MYO3B: variants seen among roughly 807,000 people sequenced by gnomAD.
MYO3B encodes myosin-IIIb.
In MYO3B, 156 loss-of-function variants were observed where a neutral mutation model predicts 174.6. That is an observed-to-expected ratio of 0.89 (90% CI 0.78 to 1.02). The LOEUF is 1.02. Among genes scored for constraint, MYO3B ranks in the 50% least tolerant of loss-of-function variants. The probability of loss-of-function intolerance (pLI) is 0.00; values close to 1 mark genes in which losing one functional copy is unlikely to be tolerated. For synonymous variants in MYO3B, 563 were observed against 569.1 expected, an observed-to-expected ratio of 0.99 and a Z score of 0.15; for missense variants, 1,632 against 1,639.4, an observed-to-expected ratio of 1.00 and a Z score of 0.08.
intron 17 of MYO3B, among the ~76,000 whole-genome samples, chr2:170,401,202 G>A (rs899304584): frequency 1.3e-5 from 2 of 152,138 alleles, no homozygotes; most frequent in East Asian, 1.9e-4. Context: ...ACTAAGGGTA[G>A]AATACAGTCT....
At chr2:170,182,177 T>G (rs2092408689) in intron 1 of MYO3B, among the ~76,000 whole-genome samples, 1 of 152,184 alleles carries the variant, frequency 6.6e-6, no homozygotes, top group African/African-American at 2.4e-5. Flanking sequence ...AATTTTTTTC[T>G]TAGGGCTTGT....
At chr2:170,562,551 C>T (rs1691781650) in intron 32 of MYO3B, among the ~76,000 whole-genome samples, 1 of 152,116 alleles carries the variant, frequency 6.6e-6, no homozygotes, top group Non-Finnish European at 1.5e-5. Flanking sequence ...TACTTGGTTC[C>T]AGGCAGTCAA....
At chr2:170,253,281 A>G (rs1182092217) in intron 7 of MYO3B, among the ~76,000 whole-genome samples, 3 of 152,118 alleles carry the variant, frequency 2.0e-5, no homozygotes, top group Admixed American at 1.3e-4. Context: ...TTGCTTATGG[A>G]TTTGATGTAG....
At chr2:170,534,848 A>G (rs1212833178) in intron 30 of MYO3B, among the ~76,000 whole-genome samples, 1 of 152,158 alleles carries the variant, frequency 6.6e-6, no homozygotes. Flanking sequence ...ATATATTGCT[A>G]AATCTACCAA....
At chr2:170,590,457 A>G (rs1165870313) in intron 32 of MYO3B, among the ~76,000 whole-genome samples, 2 of 152,112 alleles carry the variant, frequency 1.3e-5, no homozygotes, top group African/African-American at 4.8e-5. Flanking sequence ...CCCCTACATT[A>G]ACATATTTTT....
At chr2:170,402,183 C>T (rs962178056) in intron 18 of MYO3B, among the ~76,000 whole-genome samples, 6 of 152,128 alleles carry the variant, frequency 3.9e-5, no homozygotes, top group Admixed American at 6.5e-5. Context: ...CAGACCTTGG[C>T]GATGACCTTG....
chr2:170,399,473 CAAA>C (rs11296778), intron 16 of MYO3B, among the ~76,000 whole-genome samples: 55,171 of 123,354 alleles, frequency 0.45, 11,730 homozygotes, highest in East Asian at 0.63. Context: ...GACTCTATCT[CAAA>C]AAAAAAAAAA....
At chr2:170,492,465 C>A (rs1686555980) in intron 25 of MYO3B, among the ~76,000 whole-genome samples, 1 of 152,220 alleles carries the variant, frequency 6.6e-6, no homozygotes, top group Admixed American at 6.5e-5. Context: ...AGTTCAGTTC[C>A]GTTTTGCCCA....
intron 22 of MYO3B, among the ~76,000 whole-genome samples, chr2:170,418,235 G>A (rs1183171397): frequency 6.6e-6 from 1 of 152,202 alleles, no homozygotes. Context: ...TGTCTGGCTT[G>A]CAGGGCAGAG....
In MYO3B at chr2:170,407,830, C is replaced by T; in HGVS notation, c.2636C>T (p.Pro879Leu). 1 of 1,614,014 alleles carries T rather than the reference C, an allele frequency of 6.2e-7. No individual in the cohort carries two copies. The highest frequency in any genetic ancestry group is 8.5e-7 in the Non-Finnish European group (1 of 1,179,898). The change falls in exon 22 of 35, where the codon CCT becomes CTT. Residue 879 changes from proline to leucine, a missense_variant. Physicochemically the swap from Pro to Leu is moderately conservative, Grantham distance 98. Coordinates refer to ENST00000408978, the MANE Select transcript of MYO3B (RefSeq NM_138995.5). ...NKLLQQLFSI[P>L]LTKTGNLAQT... ...CTTCTTCAGCAGCTCTTCTCAATCCCTCTGACCAAAACAGGTACTTGGGAA... is the reference window on the plus strand; with the variant it reads ...CTTCTTCAGCAGCTCTTCTCAATCCTTCTGACCAAAACAGGTACTTGGGAA...
At chr2:170,400,656 C>A (rs1012344801) in intron 17 of MYO3B, among the ~76,000 whole-genome samples, 1 of 134,540 alleles carries the variant, frequency 7.4e-6, no homozygotes, top group Non-Finnish European at 1.7e-5. Context: ...ACCCCCCCCC[C>A]CTCGGCCTCC....
intron 34 of MYO3B, 36 bp from the exon 35 acceptor site, chr2:170,652,947 T>G (rs776465929): frequency 1.9e-6 from 3 of 1,611,422 alleles, no homozygotes; most frequent in Non-Finnish European, 2.5e-6. Context: ...TTTGTTTTAT[T>G]TTTTGTTGAA....
chr2:170,534,860 T>G (rs764415083), intron 30 of MYO3B, among the ~76,000 whole-genome samples: 4 of 152,218 alleles, frequency 2.6e-5, no homozygotes, highest in Admixed American at 6.5e-5. Flanking sequence ...ATCTACCAAG[T>G]GTTTATAGCA....
At chr2:170,648,584 C>A (rs1698555660) in intron 32 of MYO3B, among the ~76,000 whole-genome samples, 1 of 143,978 alleles carries the variant, frequency 6.9e-6, no homozygotes, top group South Asian at 2.2e-4. Flanking sequence ...GATCGTGCCA[C>A]TGCACTCTAG....
chr2:170,470,597 T>C (rs2105979645), intron 25 of MYO3B, among the ~76,000 whole-genome samples: 1 of 152,348 alleles, frequency 6.6e-6, no homozygotes, highest in African/African-American at 2.4e-5. Context: ...GACATATGTT[T>C]TCACTTCTTT....
intron 22 of MYO3B, among the ~76,000 whole-genome samples, chr2:170,427,964 C>T (rs1388682798): frequency 6.6e-6 from 1 of 152,112 alleles, no homozygotes; most frequent in Admixed American, 6.6e-5. Context: ...TAATGTTTTA[C>T]TAGGAGAATA....
At chr2:170,486,262 A>G (rs778184594) in intron 25 of MYO3B, among the ~76,000 whole-genome samples, 2 of 151,898 alleles carry the variant, frequency 1.3e-5, no homozygotes, top group Non-Finnish European at 2.9e-5. Flanking sequence ...TATCAGATCA[A>G]TGATAAACAT....
chr2:170,487,565 A>G (rs985645398), intron 25 of MYO3B, among the ~76,000 whole-genome samples: 2 of 152,248 alleles, frequency 1.3e-5, no homozygotes, highest in African/African-American at 4.8e-5. Context: ...TGAATGATCC[A>G]TTCTAAAAGA....
At chr2:170,484,078 G>C (rs1685873089) in intron 25 of MYO3B, among the ~76,000 whole-genome samples, 2 of 152,160 alleles carry the variant, frequency 1.3e-5, no homozygotes. Context: ...CACATGTTTG[G>C]GTAGGAGAAG....
Sources: allele counts gnomAD v4.1 joint callset (sites outside exome capture counted in the v4.1 genomes callset), GRCh38; gene constraint gnomAD v4.1.1; transcripts MANE v1.5; gene names NCBI Gene and HGNC (gene_info 2026-07-23, HGNC 2026-07-21).